VAV2: variants seen among roughly 807,000 people sequenced by gnomAD.
VAV2 encodes vav guanine nucleotide exchange factor 2.
VAV2 carries 67 observed loss-of-function variants against 132.5 expected under a neutral mutation model. The ratio of observed to expected loss-of-function variants is 0.51; its 90% CI spans 0.42 to 0.62. The LOEUF (loss-of-function observed/expected upper bound fraction) is 0.62. Ranked by LOEUF, VAV2 falls within the 20% of genes least tolerant of loss-of-function variation. The pLI is 0.00. For missense variants in VAV2, 938 were observed against 1,153.6 expected (o/e 0.81, Z 2.71); for synonymous variants, 492 against 443.5 (o/e 1.11, Z -1.37).
In VAV2 at chr9:133,823,220, G is replaced by A. The variant is rs1835861991; in HGVS notation, c.450-11004C>T. Among the ~76,000 whole-genome samples, 1 of 152,194 alleles carries A rather than the reference G, an allele frequency of 6.6e-6. No individual in the cohort carries two copies. The highest frequency in any genetic ancestry group is 6.5e-5 in the Admixed American group (1 of 15,288). The stretch of plus-strand genomic sequence containing the variant: ...TGCTCCTTTATGAATGACCCTTATG[G>A]AGCGTTTATCTCAGCAGTGAGAAAC... On this transcript the variant is annotated intron_variant, in intron 4 of 29. Coordinates refer to ENST00000371850, the MANE Select transcript of VAV2 (RefSeq NM_001134398.2). The surrounding 1 kb of genome is among the most constrained non-coding windows in gnomAD (Gnocchi z 5.5).
chr9:133,813,359 G>T (rs1468977496), intron 4 of VAV2, among the ~76,000 whole-genome samples: 1 of 152,254 alleles, frequency 6.6e-6, no homozygotes, highest in African/African-American at 2.4e-5. Context: ...AATCCCTGCG[G>T]TACTCAGGAA....
chr9:133,836,445 T>C (rs1342356210), intron 3 of VAV2, among the ~76,000 whole-genome samples: 1 of 152,260 alleles, frequency 6.6e-6, no homozygotes, highest in Non-Finnish European at 1.5e-5. Flanking sequence ...TCAGTGATGA[T>C]TGGTATGACT....
intron 19 of VAV2, among the ~76,000 whole-genome samples, chr9:133,781,857 G>A (rs1834019690): frequency 6.6e-6 from 1 of 152,250 alleles, no homozygotes; most frequent in Non-Finnish European, 1.5e-5. Flanking sequence ...GGACATGGGA[G>A]AATGCAGACA....
intron 2 of VAV2, among the ~76,000 whole-genome samples, chr9:133,924,033 C>G (rs1218460178): frequency 6.6e-6 from 1 of 152,050 alleles, no homozygotes; most frequent in Non-Finnish European, 1.5e-5. Flanking sequence ...GGAGAAATAT[C>G]TCATGTAAAT....
chr9:133,837,822 C>T (rs73663857), intron 3 of VAV2, among the ~76,000 whole-genome samples: 368 of 152,060 alleles, frequency 2.4e-3, no homozygotes, highest in African/African-American at 8.1e-3. Context: ...CTGTCATTTC[C>T]TTTACCTGCC....
chr9:133,770,582 C>T (rs1833588095), intron 26 of VAV2, 81 bp from the exon 27 acceptor site: 1 of 1,575,826 alleles, frequency 6.3e-7, no homozygotes, highest in Non-Finnish European at 8.6e-7. Context: ...CCTCTCCCAC[C>T]TCTTGGTTCA....
intron 2 of VAV2, among the ~76,000 whole-genome samples, chr9:133,896,443 GA>G (rs1839208431): frequency 6.6e-6 from 1 of 152,054 alleles, no homozygotes; most frequent in Non-Finnish European, 1.5e-5. Flanking sequence ...AACAGAGTGA[GA>G]CTCAGTCTCA....
chr9:133,980,849 G>A (rs1257207652), intron 1 of VAV2, among the ~76,000 whole-genome samples: 3 of 152,116 alleles, frequency 2.0e-5, no homozygotes, highest in Non-Finnish European at 4.4e-5. Context: ...CTGTGGCAGC[G>A]CCTCCAGTCT....
chr9:133,873,610 T>C (rs1838145957), intron 2 of VAV2, among the ~76,000 whole-genome samples: 1 of 152,158 alleles, frequency 6.6e-6, no homozygotes. Context: ...CTGTTCCTAA[T>C]GCCAGCACGG....
chr9:133,939,645 G>A (rs147244066), intron 1 of VAV2, among the ~76,000 whole-genome samples: 1 of 152,390 alleles, frequency 6.6e-6, no homozygotes, highest in Non-Finnish European at 1.5e-5. Flanking sequence ...GAGGCCGACA[G>A]TCACAGCTGG....
chr9:133,892,401 G>A (rs1839014325), intron 2 of VAV2, among the ~76,000 whole-genome samples: 1 of 151,948 alleles, frequency 6.6e-6, no homozygotes, highest in African/African-American at 2.4e-5. Context: ...GGGGGCTGAG[G>A]AGGTGGGGAG....
At chr9:133,895,577 T>C (rs1839166539) in intron 2 of VAV2, among the ~76,000 whole-genome samples, 1 of 151,726 alleles carries the variant, frequency 6.6e-6, no homozygotes, top group Admixed American at 6.6e-5. Flanking sequence ...ATTCCATTTA[T>C]AGGAAGTTTC....
chr9:133,970,009 C>T (rs139406492), intron 1 of VAV2, among the ~76,000 whole-genome samples: 1 of 152,152 alleles, frequency 6.6e-6, no homozygotes, highest in African/African-American at 2.4e-5. Flanking sequence ...TGCCACCCCC[C>T]AGACGTGCAG....
At chr9:133,968,696 C>T (rs959182748) in intron 1 of VAV2, among the ~76,000 whole-genome samples, 6 of 152,306 alleles carry the variant, frequency 3.9e-5, no homozygotes, top group African/African-American at 1.4e-4. Context: ...GAGAGAGAGC[C>T]ACCATCGGCC....
chr9:133,989,195 G>C (rs2132317285), intron 1 of VAV2, among the ~76,000 whole-genome samples: 2 of 152,252 alleles, frequency 1.3e-5, no homozygotes, highest in South Asian at 4.1e-4. Flanking sequence ...AAAATTAGCT[G>C]GGCATGGTGG....
chr9:133,837,031 T>A (rs1166537142), intron 3 of VAV2, among the ~76,000 whole-genome samples: 1 of 152,042 alleles, frequency 6.6e-6, no homozygotes, highest in African/African-American at 2.4e-5. Flanking sequence ...GGCTTTGGAG[T>A]TGGGCAAACC....
At chr9:133,933,824 G>GTGGATGGA (rs1176880595) in intron 2 of VAV2, among the ~76,000 whole-genome samples, 1 of 143,262 alleles carries the variant, frequency 7.0e-6, no homozygotes, top group Non-Finnish European at 1.5e-5. Context: ...GAATGGATGA[G>GTGGATGGA]TGGATGGATG....
chr9:133,932,093 G>A (rs1840708658), intron 2 of VAV2, among the ~76,000 whole-genome samples: 2 of 152,184 alleles, frequency 1.3e-5, no homozygotes, highest in Admixed American at 1.3e-4. Flanking sequence ...GCAAGCCACA[G>A]AAACCCCGCA....
chr9:133,821,156 C>T (rs147416499), intron 4 of VAV2, among the ~76,000 whole-genome samples: 43 of 152,356 alleles, frequency 2.8e-4, no homozygotes, highest in African/African-American at 1.0e-3. Context: ...TGATCCTTTT[C>T]ACATCAGTGT....
Sources: gnomAD v4.1 joint callset for allele counts (sites outside exome capture counted in the v4.1 genomes callset) on GRCh38, gnomAD v4.1.1 for gene constraint, Gnocchi (gnomAD v3.1) non-coding constraint, MANE v1.5 for transcripts, NCBI Gene and HGNC (gene_info 2026-07-23, HGNC 2026-07-21) for gene names.